Variants in EPHA6 observed in about 807,000 individuals in gnomAD.
The protein encoded by EPHA6 is ephrin type-A receptor 6.
Under a neutral mutation model 112.0 loss-of-function variants are expected in EPHA6, and 50 were observed. The ratio of observed to expected loss-of-function variants is 0.45; its 90% CI spans 0.36 to 0.56. EPHA6 has a LOEUF of 0.56. Among genes scored for constraint, EPHA6 ranks in the 20% least tolerant of loss-of-function variants. The pLI is 0.00. For synonymous variants in EPHA6, 529 were observed against 490.7 expected (o/e 1.08, Z -1.03); for missense variants, 1,280 against 1,417.4 (o/e 0.90, Z 1.56).
chr3:97,003,182 ACTGCAACCT>A (rs1179203454), intron 3 of EPHA6, among the ~76,000 whole-genome samples: 1 of 152,142 alleles, frequency 6.6e-6, no homozygotes, highest in Non-Finnish European at 1.5e-5. Context: ...ATCTCAGTTC[ACTGCAACCT>A]CTGCCTCCTG....
intron 10 of EPHA6, among the ~76,000 whole-genome samples, chr3:97,498,685 GC>G (rs2092043842): frequency 6.6e-6 from 1 of 152,088 alleles, no homozygotes; most frequent in Non-Finnish European, 1.5e-5. Context: ...CAACCCCCAG[GC>G]TGTGGGCTTC....
At chr3:97,142,237 G>T (rs976934589) in intron 3 of EPHA6, among the ~76,000 whole-genome samples, 2 of 151,960 alleles carry the variant, frequency 1.3e-5, no homozygotes, top group Non-Finnish European at 2.9e-5. Context: ...TCTGATGTTA[G>T]TTCTGCTTAG....
At chr3:97,249,031 C>T (rs925780832) in intron 5 of EPHA6, among the ~76,000 whole-genome samples, 7 of 148,032 alleles carry the variant, frequency 4.7e-5, no homozygotes, top group African/African-American at 1.8e-4. Flanking sequence ...AAAACCTATG[C>T]AATACTATTC....
chr3:97,612,739 A>T (rs1269434669), intron 13 of EPHA6, among the ~76,000 whole-genome samples: 1 of 152,076 alleles, frequency 6.6e-6, no homozygotes, highest in Non-Finnish European at 1.5e-5. Context: ...CTCATGGACT[A>T]TGTGACCTTG....
At chr3:97,145,119 A>G (rs1480018339) in intron 3 of EPHA6, among the ~76,000 whole-genome samples, 1 of 151,276 alleles carries the variant, frequency 6.6e-6, no homozygotes, top group Non-Finnish European at 1.5e-5. Context: ...AATATAGAGT[A>G]AAAAAAATCC....
chr3:97,180,863 G>A (rs7651496), intron 3 of EPHA6, among the ~76,000 whole-genome samples: 1,953 of 152,166 alleles, frequency 0.013, 46 homozygotes, highest in African/African-American at 0.043. Flanking sequence ...GTCCTAGCTA[G>A]CGTCTCAGTA....
intron 1 of EPHA6, among the ~76,000 whole-genome samples, chr3:96,822,332 G>A (rs966533184): frequency 9.9e-5 from 15 of 151,874 alleles, no homozygotes; most frequent in African/African-American, 2.7e-4. Context: ...ATTTCAAATC[G>A]TAGCAATTGT....
intron 3 of EPHA6, among the ~76,000 whole-genome samples, chr3:97,043,792 T>G (rs2045403513): frequency 2.0e-5 from 3 of 152,286 alleles, no homozygotes; most frequent in Admixed American, 1.3e-4. Context: ...GAATATATTG[T>G]CATACAAAGA....
chr3:97,342,677 A>G (rs772688183), intron 5 of EPHA6, among the ~76,000 whole-genome samples: 19 of 152,124 alleles, frequency 1.2e-4, no homozygotes, highest in South Asian at 2.1e-4. Flanking sequence ...GAGATATAAG[A>G]AAGTTTGTCT....
At chr3:97,202,082 G>A (rs2077590333) in intron 3 of EPHA6, among the ~76,000 whole-genome samples, 1 of 152,018 alleles carries the variant, frequency 6.6e-6, no homozygotes, top group Non-Finnish European at 1.5e-5. Context: ...GCTGAACATG[G>A]CATTTTATGA....
intron 3 of EPHA6, among the ~76,000 whole-genome samples, chr3:97,043,841 A>G (rs1324808841): frequency 6.6e-6 from 1 of 152,284 alleles, no homozygotes; most frequent in East Asian, 1.9e-4. Flanking sequence ...TAATGCCTCT[A>G]TTTATTGCTA....
intron 11 of EPHA6, among the ~76,000 whole-genome samples, chr3:97,538,319 C>T (rs574806873): frequency 1.3e-5 from 2 of 152,072 alleles, no homozygotes; most frequent in South Asian, 2.1e-4. Flanking sequence ...GGAATGAGGA[C>T]GATGGAACAG....
At chr3:97,565,643 A>G (rs1294250063) in intron 11 of EPHA6, among the ~76,000 whole-genome samples, 1 of 152,210 alleles carries the variant, frequency 6.6e-6, no homozygotes, top group African/African-American at 2.4e-5. Context: ...CCAAGTAAAT[A>G]CTGGAAGATA....
chr3:97,336,032 G>A lies in EPHA6; in HGVS notation c.1607-69118G>A, dbSNP rs574481199. Among the ~76,000 whole-genome samples the A allele has an allele frequency of 6.6e-5, 10 of 152,190 alleles. No homozygotes were observed. The South Asian group carries it at 1.0e-3, about 16-fold the overall frequency. ...AAAGTCTGCAAAATATCTCAAGCAC[G>A]TATCTTAAGTTTTACAATAATGATG... On this transcript the variant is annotated intron_variant, in intron 5 of 17. Coordinates refer to ENST00000389672, the MANE Select transcript of EPHA6 (RefSeq NM_001080448.3).
chr3:97,053,306 A>G (rs1198706689), intron 3 of EPHA6, among the ~76,000 whole-genome samples: 5 of 152,070 alleles, frequency 3.3e-5, no homozygotes, highest in African/African-American at 9.7e-5. Context: ...AGTCTGGTCT[A>G]GAGAAGGACT....
intron 1 of EPHA6, among the ~76,000 whole-genome samples, chr3:96,834,542 G>A (rs1430303366): frequency 2.0e-5 from 3 of 151,938 alleles, no homozygotes; most frequent in African/African-American, 7.2e-5. Context: ...ATAGATAAAA[G>A]CCTGGAAGCC....
At chr3:97,599,581 A>G (rs1443275910) in intron 12 of EPHA6, among the ~76,000 whole-genome samples, 1 of 151,188 alleles carries the variant, frequency 6.6e-6, no homozygotes, top group Non-Finnish European at 1.5e-5. Context: ...AGTTGTAGGT[A>G]TGCGGCGTTA....
At chr3:97,180,485 G>A (rs2076958061) in intron 3 of EPHA6, among the ~76,000 whole-genome samples, 1 of 152,048 alleles carries the variant, frequency 6.6e-6, no homozygotes, top group Admixed American at 6.6e-5. Context: ...CACTTGTTAT[G>A]TGCTCAGTCT....
chr3:96,907,488 A>T (rs143872283), intron 2 of EPHA6, among the ~76,000 whole-genome samples: 1 of 104,742 alleles, frequency 9.5e-6, no homozygotes, highest in African/African-American at 3.7e-5. Context: ...ATTCATTTTG[A>T]TATTTCTCTC....
Sources: allele counts gnomAD v4.1 joint callset (sites outside exome capture counted in the v4.1 genomes callset), GRCh38; gene constraint gnomAD v4.1.1; transcripts MANE v1.5; gene names NCBI Gene and HGNC (gene_info 2026-07-23, HGNC 2026-07-21).